Variants in NEGR1 observed in about 807,000 individuals in gnomAD.
NEGR1 encodes IgLON family member 4.
In NEGR1, 10 loss-of-function variants were observed where a neutral mutation model predicts 40.9. That is an observed-to-expected ratio of 0.24 (90% confidence interval 0.15 to 0.42). NEGR1 has a LOEUF of 0.42. Ranked by LOEUF, NEGR1 falls within the 10% of genes least tolerant of loss-of-function variation. The probability of loss-of-function intolerance (pLI) is 1.00; values close to 1 mark genes in which losing one functional copy is unlikely to be tolerated. For missense variants in NEGR1, 352 were observed against 438.9 expected, an observed-to-expected ratio of 0.80 and a Z score of 1.77; for synonymous variants, 185 against 166.8, an observed-to-expected ratio of 1.11 and a Z score of -0.84.
chr1:72,087,674 C>T (rs998826618), intron 1 of NEGR1, among the ~76,000 whole-genome samples: 21 of 149,786 alleles, frequency 1.4e-4, no homozygotes, highest in Non-Finnish European at 1.2e-4. Flanking sequence ...CAGGCTAGAG[C>T]GCTGTGATAC....
At chr1:71,931,194 A>G (rs1347707720) in intron 2 of NEGR1, among the ~76,000 whole-genome samples, 1 of 152,210 alleles carries the variant, frequency 6.6e-6, no homozygotes, top group Non-Finnish European at 1.5e-5. Flanking sequence ...TTTTGATTAT[A>G]GAGTTATGTG....
intron 6 of NEGR1, among the ~76,000 whole-genome samples, chr1:71,535,810 T>C (rs1329841519): frequency 1.3e-5 from 2 of 151,662 alleles, no homozygotes; most frequent in Admixed American, 6.6e-5. Context: ...TCAGATAAAA[T>C]AGGGATCAGA....
intron 1 of NEGR1, among the ~76,000 whole-genome samples, chr1:72,122,408 CA>C (rs970747679): frequency 6.6e-5 from 10 of 151,218 alleles, no homozygotes; most frequent in Admixed American, 6.6e-4. Flanking sequence ...TCATATTTGG[CA>C]AAAAAAACTT....
intron 1 of NEGR1, among the ~76,000 whole-genome samples, chr1:72,051,704 G>A (rs1190875120): frequency 6.6e-6 from 1 of 151,270 alleles, no homozygotes; most frequent in Non-Finnish European, 1.5e-5. Context: ...TTGCTGCTTT[G>A]GTGAAGAAAG....
chr1:71,693,778 C>G (rs888154486), intron 4 of NEGR1, among the ~76,000 whole-genome samples: 4 of 151,442 alleles, frequency 2.6e-5, no homozygotes, highest in African/African-American at 7.3e-5. Context: ...GAGTGGAGAA[C>G]AGATGGCCTC....
At chr1:71,452,083 G>T (rs1345602360) in intron 6 of NEGR1, among the ~76,000 whole-genome samples, 1 of 152,162 alleles carries the variant, frequency 6.6e-6, no homozygotes, top group Non-Finnish European at 1.5e-5. Flanking sequence ...GAGACAAAGA[G>T]TAGTTCCTGA....
chr1:72,127,537 A>T (rs867248079), intron 1 of NEGR1, among the ~76,000 whole-genome samples: 5 of 151,528 alleles, frequency 3.3e-5, no homozygotes, highest in African/African-American at 7.3e-5. Context: ...ACCTCTATAA[A>T]CTTTAAAAAA....
intron 1 of NEGR1, among the ~76,000 whole-genome samples, chr1:71,993,183 T>C (rs2029155): frequency 0.34 from 51,736 of 152,050 alleles, 9,180 homozygotes; most frequent in East Asian, 0.55. Flanking sequence ...ATTAATACTT[T>C]CCACACCCTA....
intron 1 of NEGR1, among the ~76,000 whole-genome samples, chr1:71,942,694 G>C (rs1185695368): frequency 7.2e-6 from 1 of 138,746 alleles, no homozygotes; most frequent in Non-Finnish European, 1.6e-5. Context: ...AGTAGAGACG[G>C]GGTTTCACCG....
Position 72,042,029 on chromosome 1 carries a change from A to G in NEGR1, c.177-106718T>C, listed in dbSNP as rs191705311. Among the ~76,000 whole-genome samples the G allele has an allele frequency of 2.0e-5, 3 of 146,562 alleles. No individual in the cohort carries two copies. In the East Asian group the frequency reaches 6.1e-4, roughly 30 times the overall value. ...AATATACATTTGATTAAATACAGAA[A>G]TATATATATATATCTATTTGAGAAA... is the stretch of plus-strand genomic sequence containing the variant. On this transcript the variant is annotated intron_variant, in intron 1 of 6. Transcript: ENST00000357731.
At chr1:71,957,380 A>G (rs1008419065) in intron 1 of NEGR1, among the ~76,000 whole-genome samples, 32 of 152,288 alleles carry the variant, frequency 2.1e-4, no homozygotes, top group Middle Eastern at 3.4e-3. Flanking sequence ...ATGAACACTA[A>G]AAGTTATTCA....
chr1:71,619,586 G>A (rs1020294770), intron 4 of NEGR1, among the ~76,000 whole-genome samples: 1 of 152,008 alleles, frequency 6.6e-6, no homozygotes, highest in Admixed American at 6.6e-5. Context: ...ATTGCACAGT[G>A]GAAATAAAAT....
chr1:72,073,819 C>T (rs988976837), intron 1 of NEGR1, among the ~76,000 whole-genome samples: 2 of 150,616 alleles, frequency 1.3e-5, no homozygotes, highest in Non-Finnish European at 3.0e-5. Context: ...AAATAAAAAA[C>T]AAGAAGAGAC....
chr1:71,942,232 T>C (rs914211840), intron 1 of NEGR1, among the ~76,000 whole-genome samples: 1 of 150,634 alleles, frequency 6.6e-6, no homozygotes, highest in African/African-American at 2.4e-5. Context: ...TCAGCCACTA[T>C]TGATTATAAG....
intron 3 of NEGR1, among the ~76,000 whole-genome samples, chr1:71,716,917 A>G (rs139298268): frequency 1.1e-3 from 170 of 152,302 alleles, no homozygotes; most frequent in Non-Finnish European, 1.9e-3. Flanking sequence ...GTGAAATAAC[A>G]TATTATTTAT....
At chr1:71,995,471 G>C (rs1646496352) in intron 1 of NEGR1, among the ~76,000 whole-genome samples, 1 of 152,112 alleles carries the variant, frequency 6.6e-6, no homozygotes, top group African/African-American at 2.4e-5. Flanking sequence ...ACATATATCA[G>C]AGAAATATCA....
chr1:72,230,519 C>G (rs559420502), intron 1 of NEGR1, among the ~76,000 whole-genome samples: 2 of 152,152 alleles, frequency 1.3e-5, no homozygotes, highest in South Asian at 4.1e-4. Context: ...GAAAACTAGA[C>G]TTTGCTGAAT....
intron 3 of NEGR1, among the ~76,000 whole-genome samples, chr1:71,732,223 G>A (rs1202872489): frequency 1.3e-5 from 2 of 152,150 alleles, no homozygotes; most frequent in East Asian, 1.9e-4. Context: ...TGGGAGAATC[G>A]CTTGGGTCCG....
chr1:72,114,495 A>G (rs1230270429), intron 1 of NEGR1, among the ~76,000 whole-genome samples: 1 of 151,552 alleles, frequency 6.6e-6, no homozygotes, highest in Non-Finnish European at 1.5e-5. Context: ...ATAGATAGAT[A>G]GATAATAGAT....
Sources: allele counts gnomAD v4.1 joint callset (sites outside exome capture counted in the v4.1 genomes callset), GRCh38; gene constraint gnomAD v4.1.1; transcripts MANE v1.5; gene names NCBI Gene and HGNC (gene_info 2026-07-23, HGNC 2026-07-21).